Variants in USP5 observed in about 807,000 individuals in gnomAD.
USP5 encodes ubiquitin specific peptidase 5, also known as ubiquitin carboxyl-terminal hydrolase 5.
Under a neutral mutation model 102.5 loss-of-function variants are expected in USP5, and 24 were observed. The observed-to-expected ratio is 0.23, with a 90% CI of 0.17 to 0.33. USP5 has a LOEUF of 0.33. Ranked by LOEUF, USP5 falls within the 10% of genes least tolerant of loss-of-function variation. The pLI, the probability that USP5 is intolerant of heterozygous loss-of-function variation, is 1.00. For missense variants in USP5, 753 were observed against 1,122.1 expected (o/e 0.67, Z 4.70); for synonymous variants, 460 against 434.8 (o/e 1.06, Z -0.72).
chr12:6,861,483 AGAG>A lies in USP5; in HGVS notation c.1543_1545del (p.Glu515del). 6.3e-7 allele frequency: 1 copy of A among 1,590,990 alleles called. No homozygotes were observed. ...ACGAGGAGAAGAAGCGGCAAGCCGAAGAGGAGAAGATGGCACTGCCAGAACTGG... is the reference window on the plus strand; with the variant it reads ...ACGAGGAGAAGAAGCGGCAAGCCGAAGAGAAGATGGCACTGCCAGAACTGG... On this transcript the variant is annotated inframe_deletion, in exon 13 of 20. Coordinates refer to ENST00000229268, the MANE Select transcript of USP5 (RefSeq NM_001098536.2). This position sits in a 1 kb window ranked among gnomAD's most constrained non-coding sequence, Gnocchi z 4.9.
intron 19 of USP5, 100 bp downstream of exon 19, chr12:6,865,348 C>CATAAAG: frequency 9.3e-7 from 1 of 1,081,050 alleles, no homozygotes; most frequent in Admixed American, 1.9e-5. Flanking sequence ...GGTGAAGGGA[C>CATAAAG]TGCCTGATGG....
Position 6,863,906 on chromosome 12 carries a change from C to G in USP5, c.2031C>G (p.Val677=), listed in dbSNP as rs1555130120. The G allele has an allele frequency of 1.2e-6, 2 of 1,612,068 alleles. No individual in the cohort carries two copies. The highest frequency in any genetic ancestry group is 1.1e-5 in the South Asian group (1 of 90,900). The change falls in exon 16 of 20, where the codon GTC becomes GTG. Residue 677 remains valine, a synonymous_variant. Transcript: ENST00000229268. This position sits in a 1 kb window ranked among gnomAD's most constrained non-coding sequence, Gnocchi z 4.7. ...CTATGGACGCCTGCCGCAAAGCTGT[C>G]TACTACACGGGCAACAGCGGGGCTG... ...GFPMDACRKA[V]YYTGNSGAEA...
At position 6,861,346 on chromosome 12, in the gene USP5, G is replaced by A; in HGVS notation, c.1499-97G>A. 7.0e-7 allele frequency: 1 copy of A among 1,423,068 alleles called. No homozygotes were observed. Among genetic ancestry groups the A allele is most frequent in the Non-Finnish European group, 9.5e-7 (1 of 1,052,772 alleles). 88.2% of individuals were successfully genotyped at this position (1,423,068 alleles called of 1,614,324 possible). On this transcript the variant is annotated intron_variant, in intron 12 of 19. Coordinates refer to ENST00000229268, the MANE Select transcript of USP5 (RefSeq NM_001098536.2). This position sits in a 1 kb window ranked among gnomAD's most constrained non-coding sequence, Gnocchi z 4.9. ...GTGTCAGGGGTGCTTTGGAAGGGTA[G>A]AGGAACTGAAATACGGACACAGAGC...
In USP5 at chr12:6,856,525, G is replaced by A; in HGVS notation, c.584+75G>A. The A allele has an allele frequency of 1.3e-6, 2 of 1,557,250 alleles. No individual in the cohort carries two copies. The highest frequency in any genetic ancestry group is 1.2e-5 in the South Asian group (1 of 81,862). On this transcript the variant is annotated intron_variant, in intron 5 of 19. Coordinates refer to ENST00000229268, the MANE Select transcript of USP5 (RefSeq NM_001098536.2). The surrounding 1 kb of genome is among the most constrained non-coding windows in gnomAD (Gnocchi z 5.6). ...GGAGCCCACTTTTCTGGGGGATCTG[G>A]TGGGAGAGAGGGTAGGGAGCAGGAC...
At position 6,866,105 on chromosome 12, in the gene USP5, G is replaced by A; in HGVS notation, c.*28G>A. Reference sequence around the variant, plus strand: ...GCCTGCCTCACCCCTTACCAATGAGGGCAGGGGAAGACCACCTGGCATGAG... The same window carrying A: ...GCCTGCCTCACCCCTTACCAATGAGAGCAGGGGAAGACCACCTGGCATGAG... On this transcript the variant is annotated 3_prime_UTR_variant, in exon 20 of 20. Coordinates refer to ENST00000229268, the MANE Select transcript of USP5 (RefSeq NM_001098536.2). This position sits in a 1 kb window ranked among gnomAD's most constrained non-coding sequence, Gnocchi z 4.7. The A allele has an allele frequency of 6.2e-7, 1 of 1,604,114 alleles. No homozygotes were observed. Among genetic ancestry groups the A allele is most frequent in the Non-Finnish European group, 8.5e-7 (1 of 1,171,038 alleles).
chr12:6,854,854 G>C (rs1944061566), intron 1 of USP5, among the ~76,000 whole-genome samples: 1 of 152,040 alleles, frequency 6.6e-6, no homozygotes, highest in Non-Finnish European at 1.5e-5. Flanking sequence ...CTGCTCCTCT[G>C]GTCTGGAAGG....
At chr12:6,854,534 TG>T (rs1944051095) in intron 1 of USP5, among the ~76,000 whole-genome samples, 1 of 151,582 alleles carries the variant, frequency 6.6e-6, no homozygotes, top group Non-Finnish European at 1.5e-5. Flanking sequence ...GTGGAAGGAT[TG>T]TTTGAGGCCA....
chr12:6,857,019 C>A, intron 6 of USP5, 128 bp downstream of exon 6: 1 of 1,266,116 alleles, frequency 7.9e-7, no homozygotes, highest in South Asian at 1.5e-5. Context: ...GGTGCGGTGG[C>A]TCATGTTTGC....
Position 6,858,548 on chromosome 12 carries a change from A to G in USP5, c.989A>G (p.Asn330Ser). The part of the protein sequence containing the change: ...LFGPGYTGIR[N>S]LGNSCYLNSV... ...GGGCCTGGCTACACAGGCATCCGGA[A>G]CCTGGGTAACAGCTGCTACCTCAAC... is the stretch of plus-strand genomic sequence containing the variant. Residue 330 changes from asparagine to serine, a missense_variant, in exon 8 of 20, where the codon AAC becomes AGC. Physicochemically the swap from Asn to Ser is conservative, Grantham distance 46 (BLOSUM62 1). Coordinates refer to ENST00000229268, the MANE Select transcript of USP5 (RefSeq NM_001098536.2). This position sits in a 1 kb window ranked among gnomAD's most constrained non-coding sequence, Gnocchi z 4.2. 1 of 1,613,830 alleles carries G rather than the reference A, an allele frequency of 6.2e-7. No homozygotes were observed. The highest frequency in any genetic ancestry group is 8.5e-7 in the Non-Finnish European group (1 of 1,179,696).
rs782260290 is a variant in USP5, at chr12:6,857,014, G to A, written c.769+123G>A. 349 of 1,305,238 alleles carry A rather than the reference G, an allele frequency of 2.7e-4. 4 individuals are homozygous for A. The South Asian group carries it at 4.0e-3, about 15-fold the overall frequency. The allele number at this position is 1,305,238 out of a possible 1,614,324, so 80.9% of individuals were successfully genotyped here. A position where few individuals can be genotyped will look rare whatever the true frequency, so the allele number is the denominator to read the frequency against. On this transcript the variant is annotated intron_variant, in intron 6 of 19. Coordinates refer to ENST00000229268, the MANE Select transcript of USP5 (RefSeq NM_001098536.2). Reference sequence around the variant, plus strand: ...ATAAGAAAGGAAAGTAGTCAGGTGCGGTGGCTCATGTTTGCAATCCCAACA... The same window carrying A: ...ATAAGAAAGGAAAGTAGTCAGGTGCAGTGGCTCATGTTTGCAATCCCAACA...
In USP5 at chr12:6,866,280, G is replaced by A; in HGVS notation, c.*203G>A. 1 of 565,668 alleles carries A rather than the reference G, an allele frequency of 1.8e-6. No homozygotes were observed. Among genetic ancestry groups the A allele is most frequent in the Non-Finnish European group, 3.2e-6 (1 of 316,490 alleles). The allele number at this position is 565,668 out of a possible 1,614,324, so 35.0% of individuals were successfully genotyped here. A position where few individuals can be genotyped will look rare whatever the true frequency, so the allele number is the denominator to read the frequency against. On this transcript the variant is annotated 3_prime_UTR_variant, in exon 20 of 20. Transcript: ENST00000229268. The surrounding 1 kb of genome is among the most constrained non-coding windows in gnomAD (Gnocchi z 4.7). ...AGACTCTGGGGATGGAGCAGGACGGGGACGGGAGGGGCCGGCCACCTGTCT... is the reference window on the plus strand; with the variant it reads ...AGACTCTGGGGATGGAGCAGGACGGAGACGGGAGGGGCCGGCCACCTGTCT...
chr12:6,865,492 A>G (rs1555130653), intron 19 of USP5, among the ~76,000 whole-genome samples: 1 of 152,078 alleles, frequency 6.6e-6, no homozygotes, highest in Non-Finnish European at 1.5e-5. Context: ...TGAACTCCTG[A>G]GCTCAAGTGA....
Position 6,861,181 on chromosome 12 carries a change from G to A in USP5, c.1498+75G>A, listed in dbSNP as rs1944266800. 6.3e-7 allele frequency: 1 copy of A among 1,582,880 alleles called. No homozygotes were observed. Among genetic ancestry groups the A allele is most frequent in the Non-Finnish European group, 8.6e-7 (1 of 1,164,582 alleles). On this transcript the variant is annotated intron_variant, in intron 12 of 19. Transcript: ENST00000229268. This position sits in a 1 kb window ranked among gnomAD's most constrained non-coding sequence, Gnocchi z 4.9. ...AGGAGGAATGCTTGGGCACCTCATG[G>A]GAGCACAGCCCAGGGAATGCCCTGC...
chr12:6,863,765 G>GT lies in USP5; in HGVS notation c.1955-65_1955-64insT. On this transcript the variant is annotated intron_variant, in intron 15 of 19. Coordinates refer to ENST00000229268, the MANE Select transcript of USP5 (RefSeq NM_001098536.2). This position sits in a 1 kb window ranked among gnomAD's most constrained non-coding sequence, Gnocchi z 4.7. ...TGATTGGAAGAGGGCTGGGTCCTGG[G>GT]GGAGGGAGGAGGAGCAAACAGTGGC... 4 of 1,507,846 alleles carry GT rather than the reference G, an allele frequency of 2.7e-6. No homozygotes were observed. The highest frequency in any genetic ancestry group is 3.6e-6 in the Non-Finnish European group (4 of 1,126,612). 93.4% of individuals were successfully genotyped at this position (1,507,846 alleles called of 1,614,324 possible). A position where few individuals can be genotyped will look rare whatever the true frequency, so the allele number is the denominator to read the frequency against.
intron 6 of USP5, chr12:6,857,426 C>A (rs782076301): frequency 1.9e-6 from 1 of 523,712 alleles, no homozygotes; most frequent in African/African-American, 1.9e-5. Context: ...CCAACCCTCA[C>A]CCGGTTTCAT....
Position 6,861,189 on chromosome 12 carries a change from G to A in USP5, c.1498+83G>A. The A allele has an allele frequency of 1.9e-6, 3 of 1,567,152 alleles. No individual in the cohort carries two copies. Among genetic ancestry groups the A allele is most frequent in the Non-Finnish European group, 1.7e-6 (2 of 1,156,544 alleles). On this transcript the variant is annotated intron_variant, in intron 12 of 19. Transcript: ENST00000229268. This position sits in a 1 kb window ranked among gnomAD's most constrained non-coding sequence, Gnocchi z 4.9. ...TGCTTGGGCACCTCATGGGAGCACA[G>A]CCCAGGGAATGCCCTGCTTCACCAG...
intron 7 of USP5, 108 bp downstream of exon 7, chr12:6,857,831 C>G: frequency 9.6e-7 from 1 of 1,036,942 alleles, no homozygotes; most frequent in Admixed American, 2.0e-5. Context: ...TAGTTAACCC[C>G]ATCCCCAAGA....
At chr12:6,854,740 A>G (rs781982540) in intron 1 of USP5, among the ~76,000 whole-genome samples, 134 of 152,190 alleles carry the variant, frequency 8.8e-4, no homozygotes, top group African/African-American at 3.1e-3. Context: ...CCTGGGTGAC[A>G]GAGTGCAGTG....
chr12:6,862,398 C>T, intron 13 of USP5, 72 bp from the exon 14 acceptor site: 2 of 1,358,522 alleles, frequency 1.5e-6, no homozygotes, highest in Non-Finnish European at 2.1e-6. Flanking sequence ...AGGGGCTGAA[C>T]CCCAGGTGGG....
Sources: gnomAD v4.1 joint callset for allele counts (sites outside exome capture counted in the v4.1 genomes callset) on GRCh38, gnomAD v4.1.1 for gene constraint, Gnocchi (gnomAD v3.1) non-coding constraint, MANE v1.5 for transcripts, NCBI Gene and HGNC (gene_info 2026-07-23, HGNC 2026-07-21) for gene names.